PHACTR1: variants seen among roughly 807,000 people sequenced by gnomAD.
The protein encoded by PHACTR1 is RPEL repeat containing 1.
Under a neutral mutation model 69.2 loss-of-function variants are expected in PHACTR1, and 16 were observed. The ratio of observed to expected loss-of-function variants is 0.23; its 90% CI spans 0.16 to 0.35. PHACTR1 has a LOEUF of 0.35. Ranked by LOEUF, PHACTR1 falls within the 10% of genes least tolerant of loss-of-function variation. The probability of loss-of-function intolerance (pLI) is 1.00; values close to 1 mark genes in which losing one functional copy is unlikely to be tolerated. For synonymous variants in PHACTR1, 312 were observed against 284.5 expected (o/e 1.10, Z -0.97); for missense variants, 510 against 734.7 (o/e 0.69, Z 3.54).
chr6:13,204,734 C>A (rs1350695138), intron 7 of PHACTR1, among the ~76,000 whole-genome samples: 2 of 152,206 alleles, frequency 1.3e-5, no homozygotes, highest in Admixed American at 6.5e-5. Flanking sequence ...ACTCCTGCCC[C>A]ACTCGTGCAC....
At chr6:13,043,890 T>C (rs1804605634) in intron 4 of PHACTR1, among the ~76,000 whole-genome samples, 1 of 152,236 alleles carries the variant, frequency 6.6e-6, no homozygotes, top group East Asian at 1.9e-4. Flanking sequence ...AAATAAGTTC[T>C]GTTGCCAACA....
At chr6:12,803,184 T>C (rs9463136) in intron 4 of PHACTR1, among the ~76,000 whole-genome samples, 56,259 of 151,698 alleles carry the variant, frequency 0.37, 11,182 homozygotes, top group African/African-American at 0.5. Flanking sequence ...TGTCACTTCT[T>C]GACAGGTTCT....
At chr6:13,034,890 A>G (rs1026252318) in intron 4 of PHACTR1, among the ~76,000 whole-genome samples, 3 of 152,222 alleles carry the variant, frequency 2.0e-5, no homozygotes, top group Admixed American at 6.5e-5. Flanking sequence ...ATTACTTTCA[A>G]TGTTTCTTGA....
chr6:12,809,752 A>T (rs1346412414), intron 4 of PHACTR1, among the ~76,000 whole-genome samples: 2 of 152,252 alleles, frequency 1.3e-5, no homozygotes, highest in African/African-American at 4.8e-5. Flanking sequence ...AGTTGTCCTT[A>T]CAAGATCAGA....
chr6:13,097,380 A>G (rs1583341497), intron 5 of PHACTR1, among the ~76,000 whole-genome samples: 2 of 151,890 alleles, frequency 1.3e-5, no homozygotes, highest in East Asian at 3.9e-4. Flanking sequence ...TAGTTCCACC[A>G]GAAATAGTAT....
chr6:12,927,347 A>C (rs1289464227), intron 4 of PHACTR1, among the ~76,000 whole-genome samples: 1 of 152,160 alleles, frequency 6.6e-6, no homozygotes, highest in Admixed American at 6.5e-5. Context: ...TTATATCTTC[A>C]ATGTCTAGCA....
chr6:12,726,400 C>T (rs1762802188), intron 3 of PHACTR1, among the ~76,000 whole-genome samples: 1 of 152,226 alleles, frequency 6.6e-6, no homozygotes, highest in Admixed American at 6.5e-5. Context: ...CAGCTCTGAG[C>T]TGCACCTTGA....
At chr6:13,066,103 G>C (rs1301910170) in intron 5 of PHACTR1, among the ~76,000 whole-genome samples, 2 of 152,148 alleles carry the variant, frequency 1.3e-5, no homozygotes, top group African/African-American at 4.8e-5. Flanking sequence ...AACAGGTACA[G>C]ACTAAAGACT....
intron 10 of PHACTR1, among the ~76,000 whole-genome samples, chr6:13,248,133 G>A (rs923522166): frequency 2.0e-5 from 3 of 152,162 alleles, no homozygotes; most frequent in Non-Finnish European, 2.9e-5. Flanking sequence ...CTTGGCCCTC[G>A]TTGTGGTGGT....
chr6:13,226,261 A>G (rs75513730), intron 8 of PHACTR1, among the ~76,000 whole-genome samples: 15,319 of 152,282 alleles, frequency 0.1, 1,065 homozygotes, highest in Admixed American at 0.23. Flanking sequence ...AGAGAAAAAC[A>G]GCTCTTTGCA....
At chr6:12,812,575 T>C (rs1775142272) in intron 4 of PHACTR1, among the ~76,000 whole-genome samples, 1 of 152,186 alleles carries the variant, frequency 6.6e-6, no homozygotes, top group Non-Finnish European at 1.5e-5. Context: ...AAGCCCAGTG[T>C]TTCTACACTA....
chr6:12,931,315 G>T (rs1018188970), intron 4 of PHACTR1, among the ~76,000 whole-genome samples: 4 of 152,114 alleles, frequency 2.6e-5, no homozygotes, highest in Non-Finnish European at 4.4e-5. Context: ...ACATTATTTT[G>T]GTTCATCTCC....
chr6:13,218,968 C>A lies in PHACTR1; in HGVS notation c.987-8848C>A, dbSNP rs139891450. ...AATGGTTATCTACCCGGGCTCTCAA[C>A]CTATGCATCTCCTACTTAGTTTAAC... is the stretch of plus-strand genomic sequence containing the variant. On this transcript the variant is annotated intron_variant, in intron 8 of 14. Coordinates refer to ENST00000332995, the MANE Select transcript of PHACTR1 (RefSeq NM_030948.6). 3.2e-3 allele frequency among the ~76,000 whole-genome samples: 486 copies of A among 151,868 alleles called. 4 individuals are homozygous for A. Among genetic ancestry groups the A allele is most frequent in the African/African-American group, 0.011 (458 of 41,410 alleles).
intron 6 of PHACTR1, among the ~76,000 whole-genome samples, chr6:13,167,663 C>T (rs186492447): frequency 1.3e-5 from 2 of 152,294 alleles, no homozygotes; most frequent in East Asian, 1.9e-4. Context: ...TGCCAGTGAG[C>T]AACTTTGCTT....
intron 4 of PHACTR1, among the ~76,000 whole-genome samples, chr6:13,024,531 C>T (rs754251290): frequency 8.5e-5 from 13 of 152,150 alleles, no homozygotes; most frequent in African/African-American, 1.2e-4. Context: ...ATTTATGCAT[C>T]CCTTTACCAT....
At chr6:12,725,979 G>T (rs1438232949) in intron 3 of PHACTR1, among the ~76,000 whole-genome samples, 1 of 152,062 alleles carries the variant, frequency 6.6e-6, no homozygotes, top group Non-Finnish European at 1.5e-5. Context: ...TTAGAAAATA[G>T]AACCTCCTAA....
chr6:12,969,678 C>T (rs976743867), intron 4 of PHACTR1, among the ~76,000 whole-genome samples: 1 of 152,122 alleles, frequency 6.6e-6, no homozygotes, highest in African/African-American at 2.4e-5. Context: ...ATGTTAAGAA[C>T]AGGACAGGTG....
chr6:12,741,160 T>C (rs1181763918), intron 3 of PHACTR1, among the ~76,000 whole-genome samples: 2 of 152,032 alleles, frequency 1.3e-5, no homozygotes, highest in East Asian at 3.8e-4. Flanking sequence ...ACCAGCACTG[T>C]TCATCTCACA....
chr6:13,263,343 GAA>G lies in PHACTR1; in HGVS notation c.1392-9505_1392-9504del, dbSNP rs71552741. ...CAGTAGAGACAGCATTGTTCAGACT[GAA>G]AAAAAAAAAAAGGCAAGATCCATTC... On this transcript the variant is annotated intron_variant, in intron 10 of 14. Coordinates refer to ENST00000332995, the MANE Select transcript of PHACTR1 (RefSeq NM_030948.6). 1.7e-4 allele frequency among the ~76,000 whole-genome samples: 22 copies of G among 126,184 alleles called. 1 individual carries two copies. Among genetic ancestry groups the G allele is most frequent in the African/African-American group, 6.4e-4 (21 of 32,616 alleles). The allele number at this position is 126,184 out of a possible 152,430, so 82.8% of individuals were successfully genotyped here. A position where few individuals can be genotyped will look rare whatever the true frequency, so the allele number is the denominator to read the frequency against.
Sources: gnomAD v4.1 joint callset for allele counts (sites outside exome capture counted in the v4.1 genomes callset) on GRCh38, gnomAD v4.1.1 for gene constraint, MANE v1.5 for transcripts, NCBI Gene and HGNC (gene_info 2026-07-23, HGNC 2026-07-21) for gene names.